MAPK9: variants seen among roughly 807,000 people sequenced by gnomAD.
The protein encoded by MAPK9 is Jun kinase.
Under a neutral mutation model 57.1 loss-of-function variants are expected in MAPK9, and 30 were observed. That is an observed-to-expected ratio of 0.53 (90% CI 0.39 to 0.71). MAPK9 has a LOEUF of 0.71. Among genes scored for constraint, MAPK9 ranks in the 30% least tolerant of loss-of-function variants. The probability of loss-of-function intolerance (pLI) is 0.00; values close to 1 mark genes in which losing one functional copy is unlikely to be tolerated. For missense variants in MAPK9, 362 were observed against 521.0 expected (o/e 0.69, Z 2.97); for synonymous variants, 155 against 177.0 (o/e 0.88, Z 0.99).
intron 3 of MAPK9, among the ~76,000 whole-genome samples, chr5:180,267,542 A>G (rs1176128817): frequency 6.9e-6 from 1 of 144,154 alleles, no homozygotes; most frequent in Non-Finnish European, 1.5e-5. Context: ...AGGTTGGGCG[A>G]CAGAGCGAGA....
At chr5:180,253,405 G>A (rs967592092) in intron 5 of MAPK9, 1 of 152,436 alleles carries the variant, frequency 6.6e-6, no homozygotes, top group Non-Finnish European at 1.5e-5. Context: ...TGCCCTAGCT[G>A]AGCGAAGGAA....
intron 1 of MAPK9, among the ~76,000 whole-genome samples, chr5:180,291,134 A>T (rs1373720287): frequency 6.6e-6 from 1 of 152,136 alleles, no homozygotes; most frequent in Non-Finnish European, 1.5e-5. Context: ...GCAAATGCAA[A>T]GGTCCTGGGG....
Position 180,243,727 on chromosome 5 carries a change from A to G in MAPK9, c.689-972T>C, listed in dbSNP as rs555503456. On this transcript the variant is annotated intron_variant, in intron 7 of 11. Coordinates refer to ENST00000452135, the MANE Select transcript of MAPK9 (RefSeq NM_002752.5). ...GAAATGTGTTTCTGGCATTCAATTC[A>G]CTAGCAAATTCTCCTTCCTACTCCT... Among the ~76,000 whole-genome samples the G allele has an allele frequency of 8.5e-5, 13 of 152,360 alleles. No individual in the cohort carries two copies. The South Asian group carries it at 2.3e-3, about 27-fold the overall frequency.
chr5:180,243,878 C>T (rs907925365), intron 7 of MAPK9, among the ~76,000 whole-genome samples: 2 of 152,130 alleles, frequency 1.3e-5, no homozygotes, highest in Non-Finnish European at 2.9e-5. Context: ...GACAGAGTCT[C>T]GCTCTGTCGC....
chr5:180,277,566 G>A (rs773315417), intron 2 of MAPK9, among the ~76,000 whole-genome samples: 16 of 152,082 alleles, frequency 1.1e-4, no homozygotes, highest in Admixed American at 1.3e-4. Context: ...CAAATTCCAG[G>A]GATTAGGACG....
intron 11 of MAPK9, 24 bp downstream of exon 11, chr5:180,238,308 C>T (rs1448613764): frequency 6.4e-7 from 1 of 1,571,790 alleles, no homozygotes; most frequent in South Asian, 1.1e-5. Context: ...AAATATCATA[C>T]AATCAATTAA....
At chr5:180,272,806 T>C (rs1761461734) in intron 2 of MAPK9, among the ~76,000 whole-genome samples, 1 of 152,240 alleles carries the variant, frequency 6.6e-6, no homozygotes, top group Non-Finnish European at 1.5e-5. Flanking sequence ...TCACCATTCC[T>C]GTACGCAGCT....
intron 3 of MAPK9, among the ~76,000 whole-genome samples, chr5:180,265,955 C>A (rs1239077841): frequency 6.6e-6 from 1 of 151,668 alleles, no homozygotes; most frequent in Non-Finnish European, 1.5e-5. Context: ...CGTAGAAAAT[C>A]TTTTCTAAAC....
intron 2 of MAPK9, among the ~76,000 whole-genome samples, chr5:180,272,061 G>A (rs867373421): frequency 6.6e-6 from 1 of 152,092 alleles, no homozygotes; most frequent in Non-Finnish European, 1.5e-5. Flanking sequence ...GCACTTCCTA[G>A]CTTCTTACAT....
chr5:180,261,227 G>T (rs1172900835), intron 5 of MAPK9, among the ~76,000 whole-genome samples: 1 of 152,108 alleles, frequency 6.6e-6, no homozygotes, highest in African/African-American at 2.4e-5. Context: ...TGGATATGTG[G>T]GTCATTATTT....
At position 180,234,440 on chromosome 5, in the gene MAPK9, C is replaced by T. The variant is rs1390209731; in HGVS notation, c.*1944G>A. On this transcript the variant is annotated 3_prime_UTR_variant, in exon 12 of 12. Coordinates refer to ENST00000452135, the MANE Select transcript of MAPK9 (RefSeq NM_002752.5). Reference sequence around the variant, plus strand: ...AAACCCTCCACACCGTCACGGGCTCCATCTGTGGCAAGTGGCTCGCTGAAT... The same window carrying T: ...AAACCCTCCACACCGTCACGGGCTCTATCTGTGGCAAGTGGCTCGCTGAAT... 1 of 152,254 alleles carries T rather than the reference C, an allele frequency of 6.6e-6. No homozygotes were observed. The highest frequency in any genetic ancestry group is 1.5e-5 in the Non-Finnish European group (1 of 68,058). The allele number at this position is 152,254 out of a possible 1,614,324, so 9.4% of individuals were successfully genotyped here.
intron 2 of MAPK9, among the ~76,000 whole-genome samples, chr5:180,275,019 T>A (rs1221525881): frequency 1.1e-4 from 16 of 152,236 alleles, no homozygotes; most frequent in Admixed American, 8.5e-4. Context: ...GAAGTTTTCA[T>A]TTCTCCACCA....
At chr5:180,270,481 A>C (rs1761153399) in intron 2 of MAPK9, among the ~76,000 whole-genome samples, 1 of 152,244 alleles carries the variant, frequency 6.6e-6, no homozygotes, top group African/African-American at 2.4e-5. Context: ...AGAAGGATAT[A>C]TCCACTTGTG....
chr5:180,275,926 T>C (rs942287174), intron 2 of MAPK9, among the ~76,000 whole-genome samples: 8 of 152,256 alleles, frequency 5.3e-5, no homozygotes, highest in Admixed American at 3.3e-4. Context: ...TTGTTAAAAC[T>C]GTCTTCCACT....
chr5:180,280,609 C>A lies in MAPK9; in HGVS notation c.-47-1G>T. On this transcript the variant is annotated splice_acceptor_variant, in intron 1 of 11. Coordinates refer to ENST00000452135, the MANE Select transcript of MAPK9 (RefSeq NM_002752.5). LOFTEE classifies it low-confidence loss of function (5UTR_SPLICE). The stretch of plus-strand genomic sequence containing the variant: ...CGAAGGGTGGGCAAGTTTCAGATCC[C>A]TTCAAAGAAAAACAGAATGAACGTG... 1 of 1,593,118 alleles carries A rather than the reference C, an allele frequency of 6.3e-7. No homozygotes were observed.
At chr5:180,248,853 C>T in intron 6 of MAPK9, 120 bp downstream of exon 6, 1 of 920,084 alleles carries the variant, frequency 1.1e-6, no homozygotes, top group Non-Finnish European at 1.5e-6. Flanking sequence ...ATGCTATATT[C>T]TGGGTGTAAC....
Position 180,264,787 on chromosome 5 carries a change from T to G in MAPK9, c.305A>C (p.Gln102Pro), listed in dbSNP as rs751489278. The change falls in exon 4 of 12, where the codon CAA becomes CCA. Residue 102 changes from glutamine (Q) to proline (P), a missense_variant. Coordinates refer to ENST00000452135, the MANE Select transcript of MAPK9 (RefSeq NM_002752.5). ...FTPQKTLEEF[Q>P]DVYLVMELMD... is the part of the protein sequence containing the mutation. ...GAATAAAAATGATACTTACACATCT[T>G]GAAATTCTTCTAGAGTTTTTTGTGG... 3 of 1,569,146 alleles carry G rather than the reference T, an allele frequency of 1.9e-6. No individual in the cohort carries two copies. Among genetic ancestry groups the G allele is most frequent in the Non-Finnish European group, 2.6e-6 (3 of 1,156,810 alleles).
At position 180,278,294 on chromosome 5, in the gene MAPK9, G is replaced by T. The variant is rs140710073; in HGVS notation, c.122+2146C>A. 3.9e-3 allele frequency among the ~76,000 whole-genome samples: 592 copies of T among 152,366 alleles called. 2 individuals carry two copies. Among genetic ancestry groups the T allele is most frequent in the Middle Eastern group, 6.8e-3 (2 of 292 alleles). On this transcript the variant is annotated intron_variant, in intron 2 of 11. Transcript: ENST00000452135. ...TAGTCCTTCGATTCACCACCAGTGA[G>T]GGTTATGGCAGAGCTCATGGTGATT...
intron 11 of MAPK9, 74 bp from the exon 12 acceptor site, chr5:180,236,600 G>A: frequency 6.6e-7 from 1 of 1,523,966 alleles, no homozygotes; most frequent in Non-Finnish European, 9.0e-7. Flanking sequence ...GAGACTGCAG[G>A]CCATTTCTCG....
Sources: gnomAD v4.1 joint callset for allele counts (sites outside exome capture counted in the v4.1 genomes callset) on GRCh38, gnomAD v4.1.1 for gene constraint, MANE v1.5 for transcripts, NCBI Gene and HGNC (gene_info 2026-07-23, HGNC 2026-07-21) for gene names.